ANO6: variants seen among roughly 807,000 people sequenced by gnomAD.
The protein encoded by ANO6 is anoctamin-6.
A neutral mutation model predicts 117.5 loss-of-function variants in ANO6; 106 were observed. That is an observed-to-expected ratio of 0.90 (90% CI 0.77 to 1.06). ANO6 has a LOEUF of 1.06. ANO6 is among the 50% of genes least tolerant of loss of function. ANO6 has a pLI of 0.00. For synonymous variants in ANO6, 367 were observed against 385.1 expected, an observed-to-expected ratio of 0.95 and a Z score of 0.55; for missense variants, 955 against 1,121.1, an observed-to-expected ratio of 0.85 and a Z score of 2.12.
At chr12:45,312,814 A>G (rs1939889760) in intron 2 of ANO6, among the ~76,000 whole-genome samples, 1 of 152,072 alleles carries the variant, frequency 6.6e-6, no homozygotes, top group East Asian at 1.9e-4. Context: ...ATCTCCATTA[A>G]TTGTAATGGG....
intron 1 of ANO6, among the ~76,000 whole-genome samples, chr12:45,225,487 T>A (rs959698094): frequency 6.6e-6 from 1 of 152,146 alleles, no homozygotes; most frequent in Admixed American, 6.5e-5. Flanking sequence ...TTTTGGGACA[T>A]TTTTAGATTT....
chr12:45,243,925 A>G (rs775973839), intron 1 of ANO6, among the ~76,000 whole-genome samples: 5 of 152,246 alleles, frequency 3.3e-5, no homozygotes, highest in Non-Finnish European at 5.9e-5. Flanking sequence ...CTTCTCATTT[A>G]TAGCAACTTG....
intron 3 of ANO6, among the ~76,000 whole-genome samples, chr12:45,335,015 G>T (rs1015393426): frequency 1.3e-5 from 2 of 151,900 alleles, no homozygotes; most frequent in Non-Finnish European, 1.5e-5. Context: ...AGAGGTCTAG[G>T]TAGTACAAAA....
At chr12:45,236,963 A>G (rs1420730690) in intron 1 of ANO6, among the ~76,000 whole-genome samples, 1 of 152,062 alleles carries the variant, frequency 6.6e-6, no homozygotes, top group Non-Finnish European at 1.5e-5. Flanking sequence ...TTTTATTTGC[A>G]TTTCTCTGAT....
intron 1 of ANO6, among the ~76,000 whole-genome samples, chr12:45,288,691 T>C (rs544578340): frequency 6.6e-6 from 1 of 152,218 alleles, no homozygotes; most frequent in Non-Finnish European, 1.5e-5. Context: ...CAAATATTTG[T>C]TAGAGCTCCT....
chr12:45,356,703 A>G (rs1210387088), intron 7 of ANO6, among the ~76,000 whole-genome samples: 1 of 152,104 alleles, frequency 6.6e-6, no homozygotes, highest in Non-Finnish European at 1.5e-5. Flanking sequence ...TTGCTGTCTC[A>G]GGGGTGATGG....
downstream of ANO6, among the ~76,000 whole-genome samples, chr12:45,437,305 C>A (rs74081819): frequency 0.026 from 3,887 of 152,264 alleles, 167 homozygotes; most frequent in African/African-American, 0.086. Context: ...AGACTGAATG[C>A]AGGAGCAGGT....
At chr12:45,420,325 G>C (rs1222685359) in intron 17 of ANO6, among the ~76,000 whole-genome samples, 1 of 152,044 alleles carries the variant, frequency 6.6e-6, no homozygotes, top group South Asian at 2.1e-4. Context: ...CTGATTACAT[G>C]TGCAAGTCTT....
At chr12:45,391,957 G>T (rs547639065) in intron 12 of ANO6, among the ~76,000 whole-genome samples, 2 of 152,206 alleles carry the variant, frequency 1.3e-5, no homozygotes, top group African/African-American at 2.4e-5. Context: ...GGTAATTTCT[G>T]CATTTCCAAC....
Position 45,241,865 on chromosome 12 carries a change from G to A in ANO6, c.70+25474G>A, listed in dbSNP as rs183218422. On this transcript the variant is annotated intron_variant, in intron 1 of 19. Coordinates refer to ENST00000320560, the MANE Select transcript of ANO6 (RefSeq NM_001025356.3). Reference sequence around the variant, plus strand: ...TCCACTCCAGACCCTGTTTGCCTGGGTATCACCAGTTGAGGCTGCAGAACT... The same window carrying A: ...TCCACTCCAGACCCTGTTTGCCTGGATATCACCAGTTGAGGCTGCAGAACT... Among the ~76,000 whole-genome samples the A allele has an allele frequency of 1.2e-3, 179 of 152,338 alleles. 2 individuals carry two copies. The highest frequency in any genetic ancestry group is 9.3e-3 in the South Asian group (45 of 4,832).
intron 1 of ANO6, among the ~76,000 whole-genome samples, chr12:45,266,368 T>C (rs1938214432): frequency 6.6e-6 from 1 of 152,208 alleles, no homozygotes; most frequent in African/African-American, 2.4e-5. Context: ...ACCATACTTT[T>C]AAAAATATAT....
intron 3 of ANO6, among the ~76,000 whole-genome samples, chr12:45,337,327 C>T (rs1404584041): frequency 6.6e-6 from 1 of 152,046 alleles, no homozygotes; most frequent in Non-Finnish European, 1.5e-5. Flanking sequence ...TACACAAATA[C>T]TTACCATGGT....
At chr12:45,415,190 C>T (rs1191237955) in intron 16 of ANO6, among the ~76,000 whole-genome samples, 2 of 152,162 alleles carry the variant, frequency 1.3e-5, no homozygotes, top group Non-Finnish European at 2.9e-5. Flanking sequence ...GAGTTTGGCA[C>T]ATCCTACCAC....
intron 2 of ANO6, among the ~76,000 whole-genome samples, chr12:45,314,110 T>C (rs995087329): frequency 6.6e-6 from 1 of 152,032 alleles, no homozygotes; most frequent in Admixed American, 6.6e-5. Context: ...TAATGAGTTC[T>C]GTTAGGCACT....
chr12:45,345,498 T>C (rs1174307773), intron 3 of ANO6, among the ~76,000 whole-genome samples: 3 of 152,204 alleles, frequency 2.0e-5, no homozygotes, highest in Admixed American at 6.6e-5. Context: ...TAGCAGTTCC[T>C]CTCTGTCTTG....
intron 9 of ANO6, among the ~76,000 whole-genome samples, chr12:45,372,609 C>A (rs1371010658): frequency 6.7e-6 from 1 of 148,402 alleles, no homozygotes; most frequent in African/African-American, 2.5e-5. Context: ...TCCAGCCAAA[C>A]TAAGCTTCAT....
intron 1 of ANO6, among the ~76,000 whole-genome samples, chr12:45,264,052 TTAAGGAACATTCG>T (rs1171348205): frequency 6.6e-6 from 1 of 152,180 alleles, no homozygotes; most frequent in Non-Finnish European, 1.5e-5. Context: ...CTTAGAAAAG[TTAAGGAACATTCG>T]GAAGGAAACC....
intron 13 of ANO6, among the ~76,000 whole-genome samples, chr12:45,402,316 CTCTT>C (rs1942812459): frequency 6.6e-6 from 1 of 152,144 alleles, no homozygotes; most frequent in East Asian, 1.9e-4. Context: ...AGTCAATAGT[CTCTT>C]TATTGCAAAT....
intron 7 of ANO6, among the ~76,000 whole-genome samples, chr12:45,351,076 A>G (rs1460047811): frequency 3.9e-5 from 6 of 152,196 alleles, no homozygotes; most frequent in African/African-American, 7.2e-5. Flanking sequence ...GAGTCATCTC[A>G]TTAGCACAAA....
Sources: allele counts gnomAD v4.1 joint callset (sites outside exome capture counted in the v4.1 genomes callset), GRCh38; gene constraint gnomAD v4.1.1; transcripts MANE v1.5; gene names NCBI Gene and HGNC (gene_info 2026-07-23, HGNC 2026-07-21).